Variants in ZNF652 observed in about 807,000 individuals in gnomAD.
The protein encoded by ZNF652 is zinc finger protein 652.
In ZNF652, 16 loss-of-function variants were observed where a neutral mutation model predicts 45.2. That is an observed-to-expected ratio of 0.35 (90% CI 0.24 to 0.54). ZNF652 has a LOEUF of 0.54. Among genes scored for constraint, ZNF652 ranks in the 20% least tolerant of loss-of-function variants. The pLI is 0.91. For missense variants in ZNF652, 614 were observed against 765.6 expected, an observed-to-expected ratio of 0.80 and a Z score of 2.34; for synonymous variants, 250 against 260.6, an observed-to-expected ratio of 0.96 and a Z score of 0.39.
chr17:49,309,502 C>T (rs1598288836), intron 5 of ZNF652, among the ~76,000 whole-genome samples: 1 of 149,462 alleles, frequency 6.7e-6, no homozygotes. Flanking sequence ...AGCAAGACTC[C>T]ATCTCGGAAA....
chr17:49,336,954 T>TG (rs1567694744), intron 1 of ZNF652, among the ~76,000 whole-genome samples: 3 of 124,448 alleles, frequency 2.4e-5, no homozygotes, highest in East Asian at 4.8e-4. Flanking sequence ...TTTTTTTTTT[T>TG]TTTTTTTTTT....
chr17:49,321,970 G>C (rs2069899065), intron 1 of ZNF652, among the ~76,000 whole-genome samples: 1 of 152,104 alleles, frequency 6.6e-6, no homozygotes. Context: ...AAGAATAAAA[G>C]AAATCCAGAA....
intron 5 of ZNF652, among the ~76,000 whole-genome samples, chr17:49,309,689 G>A (rs1208130857): frequency 1.3e-5 from 2 of 152,084 alleles, no homozygotes; most frequent in Admixed American, 1.3e-4. Flanking sequence ...GATGTATCCT[G>A]CTATCCACTT....
intron 1 of ZNF652, among the ~76,000 whole-genome samples, chr17:49,328,464 A>G (rs1452170437): frequency 2.0e-5 from 3 of 152,072 alleles, no homozygotes; most frequent in Admixed American, 6.6e-5. Flanking sequence ...GTAATCCTCA[A>G]TGTTGGAGGT....
rs2069570747 is a variant in ZNF652 at position 49,302,689 on chromosome 17, TG to T, written c.1310-3766del. Among the ~76,000 whole-genome samples, 3 of 151,894 alleles carry T rather than the reference TG, an allele frequency of 2.0e-5. No individual in the cohort carries two copies. In the South Asian group the frequency reaches 6.3e-4, roughly 32 times the overall value. On this transcript the variant is annotated intron_variant, in intron 5 of 5. Transcript: ENST00000430262. The stretch of plus-strand genomic sequence containing the variant: ...GAAAATGTATACATGAGGACGGGTG[TG>T]GTGGCTCATGCCTGTAATCCCAGCA...
chr17:49,299,150 T>C (rs974162524), intron 5 of ZNF652, among the ~76,000 whole-genome samples: 6 of 151,770 alleles, frequency 4.0e-5, no homozygotes, highest in African/African-American at 1.5e-4. Context: ...TTAAAAATCC[T>C]CTCAAATTTG....
chr17:49,331,898 G>A (rs2070029089), intron 1 of ZNF652, among the ~76,000 whole-genome samples: 1 of 152,190 alleles, frequency 6.6e-6, no homozygotes, highest in South Asian at 2.1e-4. Context: ...GAACCAGGGA[G>A]GCGGAGCTTG....
intron 1 of ZNF652, among the ~76,000 whole-genome samples, chr17:49,345,085 T>C (rs988942006): frequency 6.6e-6 from 1 of 152,154 alleles, no homozygotes; most frequent in Non-Finnish European, 1.5e-5. Context: ...GAGTAAGAAT[T>C]AGCCAAATTT....
downstream of ZNF652, among the ~76,000 whole-genome samples, chr17:49,288,630 G>A (rs2069364361): frequency 6.6e-6 from 1 of 152,168 alleles, no homozygotes; most frequent in South Asian, 2.1e-4. Context: ...AGAAAGCAGG[G>A]TCTGTGAGAG....
At chr17:49,314,009 AAAAAG>A (rs1567920734) in intron 2 of ZNF652, among the ~76,000 whole-genome samples, 92 of 133,364 alleles carry the variant, frequency 6.9e-4, no homozygotes, top group East Asian at 1.7e-3. Context: ...AAAAAAAAAA[AAAAAG>A]AAAAGAAAAG....
intron 1 of ZNF652, among the ~76,000 whole-genome samples, chr17:49,324,464 C>T (rs1272452380): frequency 6.6e-6 from 1 of 152,074 alleles, no homozygotes; most frequent in Non-Finnish European, 1.5e-5. Flanking sequence ...GATCTCAGCT[C>T]ACTGCAACCT....
intron 1 of ZNF652, among the ~76,000 whole-genome samples, chr17:49,344,645 C>T (rs1019662232): frequency 4.0e-5 from 6 of 151,730 alleles, no homozygotes; most frequent in South Asian, 2.1e-4. Flanking sequence ...CTCAGCCTCC[C>T]GAATAGCTGG....
Position 49,335,030 on chromosome 17 carries a change from T to A in ZNF652, c.-258-17047A>T, listed in dbSNP as rs140074358. ...TCTTTTGGGGGCAATGAAAATGTTC[T>A]GGAATTAGACATAGGTGATGGTTGC... On this transcript the variant is annotated intron_variant, in intron 1 of 5. Coordinates refer to ENST00000430262, the MANE Select transcript of ZNF652 (RefSeq NM_001145365.3). 6.9e-3 allele frequency among the ~76,000 whole-genome samples: 1,048 copies of A among 152,254 alleles called. 11 individuals are homozygous for A. The highest frequency in any genetic ancestry group is 0.024 in the African/African-American group (1,012 of 41,552).
chr17:49,314,458 C>A (rs751106380), intron 2 of ZNF652, among the ~76,000 whole-genome samples: 6 of 152,062 alleles, frequency 3.9e-5, no homozygotes, highest in African/African-American at 4.8e-5. Context: ...CTGCACCCAG[C>A]CTTACTGTTT....
intron 1 of ZNF652, among the ~76,000 whole-genome samples, chr17:49,340,002 G>T (rs1389107876): frequency 6.6e-6 from 1 of 152,168 alleles, no homozygotes; most frequent in African/African-American, 2.4e-5. Flanking sequence ...AAAGTGCCGG[G>T]ATTACAGGCG....
chr17:49,306,038 C>T (rs556174329), intron 5 of ZNF652, among the ~76,000 whole-genome samples: 1 of 152,316 alleles, frequency 6.6e-6, no homozygotes, highest in South Asian at 2.1e-4. Flanking sequence ...CTCCTGCACC[C>T]TTTAGGTATT....
chr17:49,311,911 G>A lies in ZNF652; in HGVS notation c.1164+16C>T. On this transcript the variant is annotated intron_variant, in intron 4 of 5. Coordinates refer to ENST00000430262, the MANE Select transcript of ZNF652 (RefSeq NM_001145365.3). ...CTAGCCCCTAGGCCTGGGCCTGTAG[G>A]TAGCACATTCCTTACCTCGCATCTA... The A allele has an allele frequency of 1.2e-6, 2 of 1,602,632 alleles. No homozygotes were observed. Among genetic ancestry groups the A allele is most frequent in the Non-Finnish European group, 1.7e-6 (2 of 1,170,410 alleles).
rs941833239 is a variant in ZNF652, at chr17:49,290,763, C to A, written c.*7650G>T. ...ATTGCTTGGCATCATGAGGGATGAACGACGACTGGACTTTGTAATAAGGGA... is the reference window on the plus strand; with the variant it reads ...ATTGCTTGGCATCATGAGGGATGAAAGACGACTGGACTTTGTAATAAGGGA... On this transcript the variant is annotated 3_prime_UTR_variant, in exon 6 of 6. Coordinates refer to ENST00000430262, the MANE Select transcript of ZNF652 (RefSeq NM_001145365.3). 6.6e-6 allele frequency: 1 copy of A among 152,158 alleles called. No homozygotes were observed. Among genetic ancestry groups the A allele is most frequent in the African/African-American group, 2.4e-5 (1 of 41,430 alleles). 9.4% of individuals were successfully genotyped at this position (152,158 alleles called of 1,614,324 possible).
rs1017833698 is a variant in ZNF652 at position 49,317,697 on chromosome 17, T to C, written c.29A>G (p.Glu10Gly). 2 of 1,597,954 alleles carry C rather than the reference T, an allele frequency of 1.3e-6. No homozygotes were observed. Among genetic ancestry groups the C allele is most frequent in the African/African-American group, 2.7e-5 (2 of 74,646 alleles). ...ATGCACAGCACAGTTTTCAACCAGC[T>C]CCTGACAAGAACTGGCTGTGTGGCT... MSHTASSCQ[E>G]LVENCAVHVA... The change falls in exon 2 of 6, where the codon GAG becomes GGG. Residue 10 changes from glutamate to glycine, a missense_variant. This residue lies in a region of ZNF652 where 133 missense variants were observed against 132.2 expected (regional missense o/e 1.01). Transcript: ENST00000430262.
Sources: gnomAD v4.1 joint callset for allele counts (sites outside exome capture counted in the v4.1 genomes callset) on GRCh38, gnomAD v4.1.1 for gene constraint, gnomAD v4.1.1 regional missense constraint, MANE v1.5 for transcripts, NCBI Gene and HGNC (gene_info 2026-07-23, HGNC 2026-07-21) for gene names.